The following EXPH5 variants were observed in gnomAD, a reference collection of about 807,000 sequenced individuals.
EXPH5 encodes the protein exophilin 5, also known as exophilin-5.
In EXPH5, 42 loss-of-function variants were observed where a neutral mutation model predicts 41.1. That is an observed-to-expected ratio of 1.02 (90% CI 0.80 to 1.32). The LOEUF (loss-of-function observed/expected upper bound fraction) is 1.32. Among genes scored for constraint, EXPH5 ranks in the 40% most tolerant of loss-of-function variants. The pLI is 0.00. For missense variants in EXPH5, 2,298 were observed against 2,314.5 expected (o/e 0.99, Z 0.15); for synonymous variants, 798 against 833.5 (o/e 0.96, Z 0.73).
Position 108,511,098 on chromosome 11 carries a change from G to A in EXPH5, c.4409C>T (p.Thr1470Ile). 6.2e-7 allele frequency: 1 copy of A among 1,614,100 alleles called. No individual in the cohort carries two copies. Among genetic ancestry groups the A allele is most frequent in the African/African-American group, 1.3e-5 (1 of 75,058 alleles). ...GKCPQKDHTS[T>I]AVGDGSSGSQ... is the part of the protein sequence containing the mutation. ...TCCACTGGAGCCATCACCTACAGCT[G>A]TGGATGTGTGATCTTTCTGGGGACA... Residue 1470 changes from threonine (T) to isoleucine (I), a missense_variant, in exon 6 of 6, where the codon ACA becomes ATA. By Grantham distance (89) the Thr-to-Ile change is moderately conservative. Transcript: ENST00000265843.
chr11:108,580,983 C>T (rs1257172464), intron 1 of EXPH5, among the ~76,000 whole-genome samples: 1 of 152,120 alleles, frequency 6.6e-6, no homozygotes, highest in Non-Finnish European at 1.5e-5. Context: ...TTACTGTCTA[C>T]AGCACTGTGG....
chr11:108,559,110 C>T (rs1565821778), intron 1 of EXPH5, among the ~76,000 whole-genome samples: 2 of 152,160 alleles, frequency 1.3e-5, no homozygotes, highest in Admixed American at 1.3e-4. Context: ...GAATAAACCT[C>T]CTCTCTTGAG....
chr11:108,527,431 G>A (rs1178412930), intron 4 of EXPH5, among the ~76,000 whole-genome samples: 1 of 152,066 alleles, frequency 6.6e-6, no homozygotes, highest in Non-Finnish European at 1.5e-5. Flanking sequence ...GAAAAAGGGA[G>A]GACCCAGTAC....
At chr11:108,599,047 A>G in the EXPH5 span, among the ~76,000 whole-genome samples, 7 of 152,130 alleles carry the variant, frequency 4.6e-5, no homozygotes, top group Non-Finnish European at 8.8e-5. Flanking sequence ...AGAGAGAGAG[A>G]GAGAGAGATC....
At chr11:108,599,573 T>C in the EXPH5 span, among the ~76,000 whole-genome samples, 1 of 152,234 alleles carries the variant, frequency 6.6e-6, no homozygotes, top group African/African-American at 2.4e-5. Flanking sequence ...TTTAAACTGC[T>C]TTACAGAAAT....
chr11:108,597,455 T>A (rs900265583), upstream of EXPH5, among the ~76,000 whole-genome samples: 3 of 152,222 alleles, frequency 2.0e-5, no homozygotes, highest in African/African-American at 7.2e-5. Context: ...TTAACATAGT[T>A]TGCTTTATCA....
intron 3 of EXPH5, among the ~76,000 whole-genome samples, chr11:108,536,131 A>G (rs981931353): frequency 5.3e-5 from 8 of 152,222 alleles, no homozygotes; most frequent in Admixed American, 1.3e-4. Flanking sequence ...TAAAACATGA[A>G]TGGAAAATAT....
At chr11:108,588,435 C>A (rs2094119529) in intron 1 of EXPH5, among the ~76,000 whole-genome samples, 2 of 152,190 alleles carry the variant, frequency 1.3e-5, no homozygotes, top group African/African-American at 4.8e-5. Context: ...GTCACTTCAA[C>A]TTTTTGGTAC....
rs948834540 is a variant in EXPH5 at position 108,541,661 on chromosome 11, C to A, written c.271G>T (p.Ala91Ser). ...PLTYRLSKEMAKNDPIELPTS... is the reference protein window; with the variant it reads ...PLTYRLSKEMSKNDPIELPTS... ...AAAATCTTTTTCTTACCATTTTTTG[C>A]CATCTCCTTACTTAGCCTGTATGTA... Residue 91 changes from alanine to serine, a missense_variant, in exon 2 of 6, where the codon GCA becomes TCA. Physicochemically the swap from Ala to Ser is moderately conservative, Grantham distance 99. Transcript: ENST00000265843. 6.3e-7 allele frequency: 1 copy of A among 1,588,842 alleles called. No homozygotes were observed. The highest frequency in any genetic ancestry group is 1.4e-5 in the African/African-American group (1 of 73,328).
chr11:108,554,337 G>C (rs954282045), intron 1 of EXPH5, among the ~76,000 whole-genome samples: 16 of 152,290 alleles, frequency 1.1e-4, no homozygotes, highest in African/African-American at 3.4e-4. Context: ...TTACAGATGT[G>C]AGCCACCATG....
At chr11:108,572,522 C>G (rs1472218071) in intron 1 of EXPH5, among the ~76,000 whole-genome samples, 1 of 152,124 alleles carries the variant, frequency 6.6e-6, no homozygotes, top group African/African-American at 2.4e-5. Context: ...ATTTTGTTTG[C>G]TTTCTTGTCT....
Position 108,518,234 on chromosome 11 carries a change from C to T in EXPH5, c.631+1G>A. 2 of 1,611,222 alleles carry T rather than the reference C, an allele frequency of 1.2e-6. No homozygotes were observed. Among genetic ancestry groups the T allele is most frequent in the Non-Finnish European group, 1.7e-6 (2 of 1,179,072 alleles). ...AAAGGCAATTTAATGCATGAACTTA[C>T]CTTGGAAAAACTCATTCTCCAGCAG... On this transcript the variant is annotated splice_donor_variant, in intron 5 of 5. Coordinates refer to ENST00000265843, the MANE Select transcript of EXPH5 (RefSeq NM_015065.3). LOFTEE classifies it high-confidence loss of function.
intron 1 of EXPH5, among the ~76,000 whole-genome samples, chr11:108,578,830 A>G (rs1015916293): frequency 2.0e-5 from 3 of 152,166 alleles, no homozygotes; most frequent in Admixed American, 1.3e-4. Flanking sequence ...GCATATAGAA[A>G]TGATTTTTGT....
the EXPH5 span, among the ~76,000 whole-genome samples, chr11:108,600,856 T>C: frequency 6.6e-6 from 1 of 152,266 alleles, no homozygotes; most frequent in South Asian, 2.1e-4. Context: ...CAGGTGTTTA[T>C]TGTCTAGTGA....
In EXPH5 at chr11:108,509,900, C is replaced by T. The variant is rs1156713910; in HGVS notation, c.5607G>A (p.Gly1869=). ...TTGCAGACCTGGGACCTGTTTTTGT[C>T]CCGCTGCGATAAGCCCAACTTTCAT... ...DGNESWAYRS[G]TKTGPRSAIS... Residue 1869 remains glycine (G), a synonymous_variant, in exon 6 of 6, where the codon GGG becomes GGA. Coordinates refer to ENST00000265843, the MANE Select transcript of EXPH5 (RefSeq NM_015065.3). 1 of 1,606,600 alleles carries T rather than the reference C, an allele frequency of 6.2e-7. No homozygotes were observed. The highest frequency in any genetic ancestry group is 1.7e-5 in the Admixed American group (1 of 58,378).
At chr11:108,532,339 G>GAGATATATATATATATATATATATAT (rs1471861001) in intron 3 of EXPH5, among the ~76,000 whole-genome samples, 1 of 23,426 alleles carries the variant, frequency 4.3e-5, no homozygotes, top group Non-Finnish European at 7.3e-5. Context: ...CACCACACTG[G>GAGATATATATATATATATATATATAT]ATATATATAT....
At chr11:108,569,272 G>A (rs1284888347) in intron 1 of EXPH5, among the ~76,000 whole-genome samples, 1 of 151,542 alleles carries the variant, frequency 6.6e-6, no homozygotes, top group Non-Finnish European at 1.5e-5. Context: ...TTACCTCTGC[G>A]GCCCTCTGTG....
At position 108,564,903 on chromosome 11, in the gene EXPH5, C is replaced by CTTTT. The variant is rs34384478; in HGVS notation, c.120-23095_120-23092dup. Among the ~76,000 whole-genome samples, 254 of 118,380 alleles carry CTTTT rather than the reference C, an allele frequency of 2.1e-3. 8 individuals carry two copies. Among genetic ancestry groups the CTTTT allele is most frequent in the Middle Eastern group, 4.8e-3 (1 of 208 alleles). 77.7% of individuals were successfully genotyped at this position (118,380 alleles called of 152,430 possible). Reference sequence around the variant, plus strand: ...TATTATGTTTATTGGATATGTGTAGCTTTTTTTTTTTTTTTTTTAAGATGG... The same window carrying CTTTT: ...TATTATGTTTATTGGATATGTGTAGCTTTTTTTTTTTTTTTTTTTTTTAAGATGG... On this transcript the variant is annotated intron_variant, in intron 1 of 5. Transcript: ENST00000265843.
intron 1 of EXPH5, among the ~76,000 whole-genome samples, chr11:108,562,322 G>A (rs1376967068): frequency 2.0e-5 from 3 of 150,012 alleles, no homozygotes; most frequent in African/African-American, 7.4e-5. Flanking sequence ...GCCGGGCTGG[G>A]TGGCTCACGC....
Sources: allele counts gnomAD v4.1 joint callset (sites outside exome capture counted in the v4.1 genomes callset), GRCh38; gene constraint gnomAD v4.1.1; transcripts MANE v1.5; gene names NCBI Gene and HGNC (gene_info 2026-07-23, HGNC 2026-07-21).